Variants in SAMD5 observed in about 807,000 individuals in gnomAD.
SAMD5 encodes the protein sterile alpha motif domain containing 5.
Under a neutral mutation model 11.3 loss-of-function variants are expected in SAMD5, and 13 were observed. The ratio of observed to expected loss-of-function variants is 1.15; its 90% confidence interval spans 0.75 to 1.83. SAMD5 has a LOEUF of 1.83. SAMD5 is among the 40% of genes most tolerant of loss of function. The pLI, the probability that SAMD5 is intolerant of heterozygous loss-of-function variation, is 0.00. For missense variants in SAMD5, 255 were observed against 239.1 expected, an observed-to-expected ratio of 1.07 and a Z score of -0.44; for synonymous variants, 129 against 111.3, an observed-to-expected ratio of 1.16 and a Z score of -1.00.
At chr6:147,530,542 A>G (rs1311709123) in intron 1 of SAMD5, among the ~76,000 whole-genome samples, 1 of 152,188 alleles carries the variant, frequency 6.6e-6, no homozygotes, top group Non-Finnish European at 1.5e-5. Flanking sequence ...GAGATATGCC[A>G]TCCTGCCCAA....
the SAMD5 span, among the ~76,000 whole-genome samples, chr6:147,759,518 T>C: frequency 2.0e-5 from 3 of 151,992 alleles, no homozygotes; most frequent in East Asian, 3.8e-4. Flanking sequence ...GAATTTGTTG[T>C]CCTTAGTGGT....
the SAMD5 span, among the ~76,000 whole-genome samples, chr6:147,944,354 T>A: frequency 6.6e-6 from 1 of 152,160 alleles, no homozygotes. Context: ...GAGGAGCAAG[T>A]CACCTCTTAC....
Position 147,568,716 on chromosome 6 carries a change from TTTACTC to T in SAMD5, c.*4264_*4269del, listed in dbSNP as rs1789083808. On this transcript the variant is annotated 3_prime_UTR_variant, in exon 2 of 2. Coordinates refer to ENST00000367474, the MANE Select transcript of SAMD5 (RefSeq NM_001030060.3). ...GCTTTCTCTTTTAGAGTTTTCTAAT[TTTACTC>T]TTATTAGCTCCCTCAGTTGTCATCA... The T allele has an allele frequency of 1.0e-6, 1 of 984,286 alleles. No homozygotes were observed. Among genetic ancestry groups the T allele is most frequent in the Non-Finnish European group, 1.2e-6 (1 of 828,892 alleles). The allele number at this position is 984,286 out of a possible 1,614,324, so 61.0% of individuals were successfully genotyped here. A position where few individuals can be genotyped will look rare whatever the true frequency, so the allele number is the denominator to read the frequency against.
intron 1 of SAMD5, among the ~76,000 whole-genome samples, chr6:147,615,290 G>A (rs1789848997): frequency 6.6e-6 from 1 of 152,046 alleles, no homozygotes; most frequent in Non-Finnish European, 1.5e-5. Context: ...TTAGACACTA[G>A]CCCTGATTTT....
chr6:147,635,820 C>A (rs1309768855), intron 1 of SAMD5, among the ~76,000 whole-genome samples: 1 of 152,210 alleles, frequency 6.6e-6, no homozygotes, highest in African/African-American at 2.4e-5. Flanking sequence ...TTGAAACAAC[C>A]CCTCTGGGGC....
chr6:147,793,670 A>G, the SAMD5 span, among the ~76,000 whole-genome samples: 1 of 152,162 alleles, frequency 6.6e-6, no homozygotes, highest in African/African-American at 2.4e-5. Flanking sequence ...GGCTGTTTTC[A>G]TCTTACTTCT....
the SAMD5 span, among the ~76,000 whole-genome samples, chr6:147,775,366 T>G: frequency 6.6e-6 from 1 of 152,182 alleles, no homozygotes; most frequent in East Asian, 1.9e-4. Context: ...CCTGCAATAA[T>G]CTACATGAGT....
At chr6:147,636,754 T>A (rs1790236072) in intron 1 of SAMD5, among the ~76,000 whole-genome samples, 2 of 152,174 alleles carry the variant, frequency 1.3e-5, no homozygotes, top group Admixed American at 1.3e-4. Flanking sequence ...GGGTCAGCCA[T>A]GTGGTTACCA....
At chr6:147,809,396 A>G in the SAMD5 span, among the ~76,000 whole-genome samples, 15 of 152,114 alleles carry the variant, frequency 9.9e-5, no homozygotes, top group Admixed American at 9.2e-4. Flanking sequence ...CACTGTGGAG[A>G]ACGGACCACA....
the SAMD5 span, among the ~76,000 whole-genome samples, chr6:147,952,793 C>T: frequency 3.9e-5 from 6 of 152,288 alleles, no homozygotes; most frequent in Non-Finnish European, 7.4e-5. Flanking sequence ...GGATTACTGG[C>T]GTGAGCCACC....
At chr6:147,628,113 T>C (rs1235749320) in intron 1 of SAMD5, among the ~76,000 whole-genome samples, 1 of 152,200 alleles carries the variant, frequency 6.6e-6, no homozygotes, top group African/African-American at 2.4e-5. Context: ...GTAGGTTTGC[T>C]TGTTTGTTTT....
intron 1 of SAMD5, among the ~76,000 whole-genome samples, chr6:147,588,469 G>A (rs1046004277): frequency 2.0e-5 from 3 of 151,578 alleles, no homozygotes; most frequent in Non-Finnish European, 2.9e-5. Context: ...GACTACAGAC[G>A]CACACCACGG....
At chr6:147,702,259 G>A (rs1791264957) in intron 1 of SAMD5, among the ~76,000 whole-genome samples, 1 of 152,122 alleles carries the variant, frequency 6.6e-6, no homozygotes, top group African/African-American at 2.4e-5. Flanking sequence ...CTCCCACAGG[G>A]TACCTCCTAG....
At chr6:147,852,124 T>C in the SAMD5 span, among the ~76,000 whole-genome samples, 1 of 152,162 alleles carries the variant, frequency 6.6e-6, no homozygotes, top group African/African-American at 2.4e-5. Context: ...TGCAAGGCCC[T>C]AAAATTTATA....
the SAMD5 span, among the ~76,000 whole-genome samples, chr6:147,768,059 A>G: frequency 1.3e-5 from 2 of 152,334 alleles, 1 homozygote; most frequent in East Asian, 3.9e-4. Context: ...ACATTGATAG[A>G]ATTAACAGTT....
chr6:147,590,604 G>C (rs943840959), intron 1 of SAMD5, among the ~76,000 whole-genome samples: 1 of 152,052 alleles, frequency 6.6e-6, no homozygotes, highest in Non-Finnish European at 1.5e-5. Flanking sequence ...GTAGAGACAG[G>C]GTTTCATCAT....
At chr6:147,517,076 T>C (rs183025818) in intron 1 of SAMD5, among the ~76,000 whole-genome samples, 5 of 152,284 alleles carry the variant, frequency 3.3e-5, no homozygotes, top group Admixed American at 3.3e-4. Context: ...TTTTGTCAGG[T>C]TTATTTTCCA....
chr6:147,741,779 ATTC>A (rs1583160861), downstream of SAMD5: 2 of 152,304 alleles, frequency 1.3e-5, no homozygotes, highest in African/African-American at 4.8e-5. Context: ...ACGAAACACA[ATTC>A]TTCTTCGGGT....
the SAMD5 span, among the ~76,000 whole-genome samples, chr6:147,783,432 G>T: frequency 6.6e-6 from 1 of 151,294 alleles, no homozygotes; most frequent in Non-Finnish European, 1.5e-5. Context: ...CTCACTCTGT[G>T]GCCCAGGCTA....
Sources: gnomAD v4.1 joint callset for allele counts (sites outside exome capture counted in the v4.1 genomes callset) on GRCh38, gnomAD v4.1.1 for gene constraint, MANE v1.5 for transcripts, NCBI Gene and HGNC (gene_info 2026-07-23, HGNC 2026-07-21) for gene names.